Variants in CRACD observed in about 807,000 individuals in gnomAD.
CRACD encodes capping protein inhibiting regulator of actin dynamics.
CRACD carries 56 observed loss-of-function variants against 106.8 expected under a neutral mutation model. The observed-to-expected ratio is 0.52, with a 90% CI of 0.42 to 0.66. CRACD has a LOEUF of 0.66. Ranked by LOEUF, CRACD falls within the 30% of genes least tolerant of loss-of-function variation. The pLI, the probability that CRACD is intolerant of heterozygous loss-of-function variation, is 0.00. For synonymous variants in CRACD, 754 were observed against 670.8 expected, an observed-to-expected ratio of 1.12 and a Z score of -1.92; for missense variants, 1,730 against 1,623.2, an observed-to-expected ratio of 1.07 and a Z score of -1.13.
chr4:56,127,094 A>G (rs758006618), intron 1 of CRACD, among the ~76,000 whole-genome samples: 1 of 152,138 alleles, frequency 6.6e-6, no homozygotes, highest in Non-Finnish European at 1.5e-5. Flanking sequence ...AGGTGCTCTT[A>G]TGAAAGGGCT....
Position 56,179,322 on chromosome 4 carries a change from T to C in CRACD, c.-297T>C, listed in dbSNP as rs1442319826. The C allele has an allele frequency of 1.3e-5, 2 of 152,134 alleles. No homozygotes were observed. The highest frequency in any genetic ancestry group is 2.4e-5 in the African/African-American group (1 of 41,418). 9.4% of individuals were successfully genotyped at this position (152,134 alleles called of 1,614,324 possible). On this transcript the variant is annotated 5_prime_UTR_variant, in exon 2 of 11. Coordinates refer to ENST00000682029, the MANE Select transcript of CRACD (RefSeq NM_001393381.1). ...TGATTCCCAGGCTTTCTCAGCAATG[T>C]ACCCCATTTCCTGACATTTACAGCT...
chr4:56,243,882 A>AT (rs55991783), intron 2 of CRACD, among the ~76,000 whole-genome samples: 1 of 151,782 alleles, frequency 6.6e-6, no homozygotes, highest in African/African-American at 2.4e-5. Flanking sequence ...CCTTCTAACT[A>AT]TTTTTTTGTA....
intron 2 of CRACD, among the ~76,000 whole-genome samples, chr4:56,214,652 ACT>A (rs572003455): frequency 5.3e-4 from 54 of 101,780 alleles, no homozygotes; most frequent in South Asian, 4.0e-3. Context: ...AGAGCTAGAC[ACT>A]CTCTCTCTCT....
At chr4:56,163,368 T>C (rs1577703907) in intron 1 of CRACD, among the ~76,000 whole-genome samples, 2 of 152,200 alleles carry the variant, frequency 1.3e-5, no homozygotes, top group South Asian at 4.1e-4. Flanking sequence ...ATTGATGAGA[T>C]GGTTTGTGTA....
intron 1 of CRACD, among the ~76,000 whole-genome samples, chr4:56,138,529 T>C (rs942092002): frequency 6.6e-6 from 1 of 151,956 alleles, no homozygotes; most frequent in Admixed American, 6.6e-5. Flanking sequence ...AGACCAAATC[T>C]TGGGAGCAAT....
At chr4:56,139,205 A>G (rs1735110594) in intron 1 of CRACD, among the ~76,000 whole-genome samples, 1 of 152,214 alleles carries the variant, frequency 6.6e-6, no homozygotes. Context: ...ATATTTAATA[A>G]TCATTATATG....
At chr4:56,049,612 C>T (rs1250050329) in intron 1 of CRACD, among the ~76,000 whole-genome samples, 1 of 152,172 alleles carries the variant, frequency 6.6e-6, no homozygotes, top group African/African-American at 2.4e-5. Flanking sequence ...CTCCTCTTCC[C>T]GCGCCTCGCC....
At chr4:56,305,486 A>G (rs1744631969) in intron 4 of CRACD, among the ~76,000 whole-genome samples, 1 of 151,782 alleles carries the variant, frequency 6.6e-6, no homozygotes, top group Non-Finnish European at 1.5e-5. Context: ...GTCTAACTCC[A>G]TCCATTGGCT....
At chr4:56,302,702 A>C (rs1744436144) in intron 4 of CRACD, among the ~76,000 whole-genome samples, 1 of 152,134 alleles carries the variant, frequency 6.6e-6, no homozygotes, top group Non-Finnish European at 1.5e-5. Context: ...AGTTTGCTCA[A>C]AAAGACAGCA....
chr4:56,269,622 G>A (rs1034062161), intron 2 of CRACD, among the ~76,000 whole-genome samples: 1 of 147,470 alleles, frequency 6.8e-6, no homozygotes, highest in African/African-American at 2.5e-5. Flanking sequence ...CTGGAGTACA[G>A]TGGCATGATC....
chr4:56,211,199 A>G (rs867182494), intron 2 of CRACD, among the ~76,000 whole-genome samples: 3 of 152,230 alleles, frequency 2.0e-5, no homozygotes, highest in South Asian at 2.1e-4. Flanking sequence ...AGGGCCTACT[A>G]TAATACTTAT....
chr4:56,291,637 T>C (rs1743711073), intron 3 of CRACD, among the ~76,000 whole-genome samples: 1 of 152,186 alleles, frequency 6.6e-6, no homozygotes, highest in Non-Finnish European at 1.5e-5. Flanking sequence ...TTTAATATTA[T>C]ACAAATGCTG....
At chr4:56,145,667 G>A (rs1481468740) in intron 1 of CRACD, among the ~76,000 whole-genome samples, 4 of 151,556 alleles carry the variant, frequency 2.6e-5, no homozygotes, top group Middle Eastern at 3.4e-3. Context: ...GCTGGAGTGC[G>A]GTGTTGTGAT....
At chr4:56,142,868 G>A (rs1735253896) in intron 1 of CRACD, among the ~76,000 whole-genome samples, 1 of 151,856 alleles carries the variant, frequency 6.6e-6, no homozygotes, top group Non-Finnish European at 1.5e-5. Context: ...ATCTATTTGT[G>A]TATTTCCTAA....
intron 2 of CRACD, among the ~76,000 whole-genome samples, chr4:56,225,684 G>T (rs941873245): frequency 6.6e-6 from 1 of 152,166 alleles, no homozygotes; most frequent in Non-Finnish European, 1.5e-5. Context: ...GCTTGATTAG[G>T]TAGAAATATT....
intron 2 of CRACD, chr4:56,215,964 C>G (rs988839590): frequency 3.3e-5 from 5 of 152,144 alleles, no homozygotes; most frequent in Admixed American, 6.5e-5. Context: ...AACAAGGGAC[C>G]AGGTCTGGCT....
intron 2 of CRACD, among the ~76,000 whole-genome samples, chr4:56,214,681 C>CTCTCTCTCTCTCTCTATATATATATATA: frequency 4.0e-4 from 32 of 80,984 alleles, no homozygotes; most frequent in Non-Finnish European, 5.5e-4. Flanking sequence ...CTCTCTCTCT[C>CTCTCTCTCTCTCTCTATATATATATATA]TATATATATA....
At chr4:56,214,681 C>CTCTCTCTCTATATATATATATATATATA in intron 2 of CRACD, among the ~76,000 whole-genome samples, 14 of 80,982 alleles carry the variant, frequency 1.7e-4, no homozygotes, top group African/African-American at 5.5e-4. Flanking sequence ...CTCTCTCTCT[C>CTCTCTCTCTATATATATATATATATATA]TATATATATA....
intron 1 of CRACD, among the ~76,000 whole-genome samples, chr4:56,124,015 G>T (rs923270773): frequency 2.6e-5 from 4 of 151,904 alleles, no homozygotes; most frequent in Admixed American, 2.6e-4. Context: ...TTGGCTCACT[G>T]CAACCTCTGC....
Sources: gnomAD v4.1 joint callset for allele counts (sites outside exome capture counted in the v4.1 genomes callset) on GRCh38, gnomAD v4.1.1 for gene constraint, MANE v1.5 for transcripts, NCBI Gene and HGNC (gene_info 2026-07-23, HGNC 2026-07-21) for gene names.